Variants in TOM1L2 observed in about 807,000 individuals in gnomAD.
TOM1L2 encodes the protein target of myb1 like 2 membrane trafficking protein.
In TOM1L2, 31 loss-of-function variants were observed where a neutral mutation model predicts 67.9. The ratio of observed to expected loss-of-function variants is 0.46; its 90% CI spans 0.34 to 0.62. TOM1L2 has a LOEUF of 0.62. TOM1L2 is among the 20% of genes least tolerant of loss of function. The pLI is 0.01. For synonymous variants in TOM1L2, 256 were observed against 254.0 expected (o/e 1.01, Z -0.07); for missense variants, 606 against 663.5 (o/e 0.91, Z 0.95).
chr17:17,876,494 T>C (rs1349357544), intron 7 of TOM1L2, among the ~76,000 whole-genome samples: 2 of 152,194 alleles, frequency 1.3e-5, no homozygotes, highest in Admixed American at 1.3e-4. Flanking sequence ...GAAAGAGGAA[T>C]TAGTCTTGTT....
At chr17:17,941,843 A>G (rs1018134223) in intron 1 of TOM1L2, among the ~76,000 whole-genome samples, 1 of 152,218 alleles carries the variant, frequency 6.6e-6, no homozygotes, top group African/African-American at 2.4e-5. Context: ...TCAGCCTCTA[A>G]GCCAGGCGCA....
At chr17:17,956,136 G>T (rs1013894619) in intron 1 of TOM1L2, among the ~76,000 whole-genome samples, 1 of 152,190 alleles carries the variant, frequency 6.6e-6, no homozygotes, top group African/African-American at 2.4e-5. Context: ...TACCACTACT[G>T]CCTCTGGCCC....
chr17:17,866,140 T>G (rs905005713), intron 10 of TOM1L2, among the ~76,000 whole-genome samples, 156 bp downstream of exon 10: 4 of 152,142 alleles, frequency 2.6e-5, no homozygotes, highest in Admixed American at 6.5e-5. Context: ...GAATTGAAAG[T>G]AAGGTGGTAC....
intron 2 of TOM1L2, among the ~76,000 whole-genome samples, chr17:17,903,058 G>C (rs550551120): frequency 6.6e-6 from 1 of 152,180 alleles, no homozygotes; most frequent in African/African-American, 2.4e-5. Flanking sequence ...CTGGCACTCT[G>C]TAAGACTCCA....
intron 8 of TOM1L2, among the ~76,000 whole-genome samples, chr17:17,867,256 C>T (rs1206938985): frequency 1.3e-5 from 2 of 152,110 alleles, no homozygotes; most frequent in African/African-American, 4.8e-5. Flanking sequence ...CTTGGAGCTG[C>T]AGACTCCCTA....
At chr17:17,893,354 A>G (rs1737972) in intron 4 of TOM1L2, among the ~76,000 whole-genome samples, 1 of 152,156 alleles carries the variant, frequency 6.6e-6, no homozygotes, top group Non-Finnish European at 1.5e-5. Flanking sequence ...ACGTAGCTCT[A>G]ACATGGTTCT....
At chr17:17,909,934 C>A (rs919585530) in intron 1 of TOM1L2, among the ~76,000 whole-genome samples, 1 of 152,084 alleles carries the variant, frequency 6.6e-6, no homozygotes, top group Non-Finnish European at 1.5e-5. Context: ...GAGGCTGAGG[C>A]AGGAAGATTG....
chr17:17,941,534 T>C (rs957458986), intron 1 of TOM1L2, among the ~76,000 whole-genome samples: 3 of 152,164 alleles, frequency 2.0e-5, no homozygotes, highest in African/African-American at 7.2e-5. Flanking sequence ...TCAGATCTTT[T>C]AGAATAGGGA....
intron 14 of TOM1L2, among the ~76,000 whole-genome samples, chr17:17,848,047 G>A (rs2143438302): frequency 6.6e-6 from 1 of 152,288 alleles, no homozygotes; most frequent in South Asian, 2.1e-4. Context: ...GATCAGCACT[G>A]GGTTTTGTCC....
chr17:17,946,331 C>T (rs1249678815), intron 1 of TOM1L2, among the ~76,000 whole-genome samples: 1 of 152,064 alleles, frequency 6.6e-6, no homozygotes, highest in Non-Finnish European at 1.5e-5. Context: ...ATTCATCATC[C>T]TAAAAATAAA....
chr17:17,850,805 C>A (rs982372001), intron 13 of TOM1L2, 88 bp downstream of exon 13: 332 of 1,415,242 alleles, frequency 2.3e-4, no homozygotes, highest in Middle Eastern at 1.8e-4. Context: ...AGGGGTGGAG[C>A]CCCTGCTGAT....
chr17:17,944,218 T>C (rs2040849203), intron 1 of TOM1L2, among the ~76,000 whole-genome samples: 1 of 152,238 alleles, frequency 6.6e-6, no homozygotes, highest in Admixed American at 6.5e-5. Context: ...TGGCACAAAG[T>C]GGCTGCCGTG....
rs1321210653 is a variant in TOM1L2, at chr17:17,843,816, G to A, written c.*3819C>T. On this transcript the variant is annotated 3_prime_UTR_variant, in exon 15 of 15. Coordinates refer to ENST00000379504, the MANE Select transcript of TOM1L2 (RefSeq NM_001082968.2). ...AATAAATATCCGTCCCCCTCTCCGG[G>A]AGAGCCTGGAGGTATGGACAGACAG... 2 of 152,552 alleles carry A rather than the reference G, an allele frequency of 1.3e-5. No individual in the cohort carries two copies. Among genetic ancestry groups the A allele is most frequent in the East Asian group, 3.9e-4 (2 of 5,190 alleles). The allele number at this position is 152,552 out of a possible 1,614,324, so 9.4% of individuals were successfully genotyped here. A position where few individuals can be genotyped will look rare whatever the true frequency, so the allele number is the denominator to read the frequency against.
At chr17:17,910,078 G>A (rs1420694328) in intron 1 of TOM1L2, among the ~76,000 whole-genome samples, 1 of 152,166 alleles carries the variant, frequency 6.6e-6, no homozygotes, top group African/African-American at 2.4e-5. Context: ...AATGTTATGT[G>A]TATTTTAAAA....
chr17:17,886,817 A>G (rs1324989099), intron 4 of TOM1L2, among the ~76,000 whole-genome samples: 1 of 152,156 alleles, frequency 6.6e-6, no homozygotes, highest in Non-Finnish European at 1.5e-5. Flanking sequence ...CTCTGCTTCC[A>G]TGTTCACAGA....
chr17:17,886,249 A>G (rs142618280), intron 4 of TOM1L2, among the ~76,000 whole-genome samples: 12 of 152,366 alleles, frequency 7.9e-5, no homozygotes, highest in African/African-American at 2.9e-4. Context: ...TGACTGATGC[A>G]TCTCACCAGG....
At chr17:17,950,977 G>A (rs901610462) in intron 1 of TOM1L2, among the ~76,000 whole-genome samples, 1 of 152,128 alleles carries the variant, frequency 6.6e-6, no homozygotes, top group African/African-American at 2.4e-5. Context: ...GGAAGGGGGT[G>A]CTGTTTCATC....
chr17:17,940,311 G>A (rs1568333701), intron 1 of TOM1L2, among the ~76,000 whole-genome samples: 1 of 151,702 alleles, frequency 6.6e-6, no homozygotes, highest in Middle Eastern at 3.4e-3. Flanking sequence ...TATAGCAAGA[G>A]TAATCAATAA....
At chr17:17,944,142 A>G (rs890600355) in intron 1 of TOM1L2, among the ~76,000 whole-genome samples, 3 of 152,252 alleles carry the variant, frequency 2.0e-5, no homozygotes, top group African/African-American at 7.2e-5. Flanking sequence ...TATTAACACT[A>G]CTAGCGACAT....
Sources: gnomAD v4.1 joint callset for allele counts (sites outside exome capture counted in the v4.1 genomes callset) on GRCh38, gnomAD v4.1.1 for gene constraint, MANE v1.5 for transcripts, NCBI Gene and HGNC (gene_info 2026-07-23, HGNC 2026-07-21) for gene names.